The following FAHD2A variants were observed in gnomAD, a reference collection of about 807,000 sequenced individuals.
FAHD2A encodes oxaloacetate tautomerase FAHD2A, mitochondrial.
A neutral mutation model predicts 33.4 loss-of-function variants in FAHD2A; 27 were observed. The ratio of observed to expected loss-of-function variants is 0.81; its 90% CI spans 0.60 to 1.11. The LOEUF is 1.11. Ranked by LOEUF, FAHD2A falls within the 50% of genes most tolerant of loss-of-function variation. The pLI, the probability that FAHD2A is intolerant of heterozygous loss-of-function variation, is 0.00. For synonymous variants in FAHD2A, 130 were observed against 153.3 expected, an observed-to-expected ratio of 0.85 and a Z score of 1.12; for missense variants, 296 against 395.0, an observed-to-expected ratio of 0.75 and a Z score of 2.12.
chr2:95,410,830 A>T (rs1438425079), intron 4 of FAHD2A, 34 bp from the exon 5 acceptor site: 31 of 1,612,180 alleles, frequency 1.9e-5, no homozygotes, highest in East Asian at 2.2e-5. Flanking sequence ...CCATGATCTA[A>T]CCTCCTGTAT....
Position 95,410,473 on chromosome 2 carries a change from T to C in FAHD2A, c.463-54T>C, listed in dbSNP as rs553240630. The C allele has an allele frequency of 2.5e-5, 40 of 1,572,062 alleles. No individual in the cohort carries two copies. The East Asian group carries it at 9.1e-4, about 36-fold the overall frequency. On this transcript the variant is annotated intron_variant, in intron 3 of 7. Coordinates refer to ENST00000233379, the MANE Select transcript of FAHD2A (RefSeq NM_016044.3). ...CAGCATGGTGTGCAGCCTCTCAGCA[T>C]GGACAGTGGGCCCTGAAGCCACTGC...
At position 95,414,339 on chromosome 2, in the gene FAHD2A, G is replaced by T; in HGVS notation, c.*1382G>T. The T allele has an allele frequency of 1.3e-6, 1 of 796,544 alleles. No individual in the cohort carries two copies. The highest frequency in any genetic ancestry group is 2.2e-6 in the Non-Finnish European group (1 of 456,612). 49.3% of individuals were successfully genotyped at this position (796,544 alleles called of 1,614,324 possible). On this transcript the variant is annotated 3_prime_UTR_variant, in exon 8 of 8. Transcript: ENST00000233379. ...AAGAAGACATCAAAAAGAAAATCTA[G>T]TGCTGGGTGGATATAGAGTATGAAG...
chr2:95,418,416 G>A (rs1408078599), downstream of FAHD2A, among the ~76,000 whole-genome samples: 3 of 152,020 alleles, frequency 2.0e-5, no homozygotes, highest in Admixed American at 6.6e-5. Flanking sequence ...GATGCATGAA[G>A]GTTGGGAGGA....
chr2:95,416,037 G>A lies in FAHD2A; in HGVS notation c.*3080G>A, dbSNP rs573979328. On this transcript the variant is annotated 3_prime_UTR_variant, in exon 8 of 8. Coordinates refer to ENST00000233379, the MANE Select transcript of FAHD2A (RefSeq NM_016044.3). Reference sequence around the variant, plus strand: ...CTAGCACAGAGCTGGAGGAAATGGCGAGGTGCAGGTGGCCGCTGGGCCCTG... The same window carrying A: ...CTAGCACAGAGCTGGAGGAAATGGCAAGGTGCAGGTGGCCGCTGGGCCCTG... 4 of 152,316 alleles carry A rather than the reference G, an allele frequency of 2.6e-5. No homozygotes were observed. The highest frequency in any genetic ancestry group is 3.9e-4 in the East Asian group (2 of 5,176). The allele number at this position is 152,316 out of a possible 1,614,324, so 9.4% of individuals were successfully genotyped here. A position where few individuals can be genotyped will look rare whatever the true frequency, so the allele number is the denominator to read the frequency against.
chr2:95,416,354 C>G lies in FAHD2A; in HGVS notation c.*3397C>G, dbSNP rs13015296. 2 of 152,258 alleles carry G rather than the reference C, an allele frequency of 1.3e-5. No homozygotes were observed. Among genetic ancestry groups the G allele is most frequent in the Admixed American group, 6.5e-5 (1 of 15,286 alleles). The allele number at this position is 152,258 out of a possible 1,614,324, so 9.4% of individuals were successfully genotyped here. A position where few individuals can be genotyped will look rare whatever the true frequency, so the allele number is the denominator to read the frequency against. On this transcript the variant is annotated 3_prime_UTR_variant, in exon 8 of 8. Transcript: ENST00000233379. ...CCAAGAGCTGAGAATGTTTCTCCGA[C>G]TGATGAGACCTAGATATTGGGTACA...
rs1682881893 is a variant in FAHD2A, at chr2:95,413,732, TAGA to T, written c.*778_*780del. 2.6e-6 allele frequency: 2 copies of T among 767,666 alleles called. No individual in the cohort carries two copies. The highest frequency in any genetic ancestry group is 4.2e-6 in the Non-Finnish European group (2 of 477,402). 47.6% of individuals were successfully genotyped at this position (767,666 alleles called of 1,614,324 possible). ...CTCAAAGCAGCCCCAATACCCCACC[TAGA>T]AGGATGAGCCAGTGATTTGGGAGAC... On this transcript the variant is annotated 3_prime_UTR_variant, in exon 8 of 8. Transcript: ENST00000233379.
chr2:95,409,534 C>T (rs974547548), intron 3 of FAHD2A, among the ~76,000 whole-genome samples: 1 of 152,188 alleles, frequency 6.6e-6, no homozygotes, highest in African/African-American at 2.4e-5. Context: ...GTCTTGAACT[C>T]CTCACCTGAG....
At chr2:95,411,752 T>C (rs1396138199) in intron 5 of FAHD2A, among the ~76,000 whole-genome samples, 8 of 152,252 alleles carry the variant, frequency 5.3e-5, no homozygotes, top group African/African-American at 1.9e-4. Context: ...GAGGCTTCTC[T>C]GTCCCGGCTA....
chr2:95,419,121 T>C (rs1374497184), downstream of FAHD2A, among the ~76,000 whole-genome samples: 1 of 152,046 alleles, frequency 6.6e-6, no homozygotes, highest in Non-Finnish European at 1.5e-5. Flanking sequence ...AAGGCCCTGC[T>C]ACATCTTGAT....
Position 95,412,385 on chromosome 2 carries a change from G to T in FAHD2A, c.686-49G>T. On this transcript the variant is annotated intron_variant, in intron 5 of 7. Coordinates refer to ENST00000233379, the MANE Select transcript of FAHD2A (RefSeq NM_016044.3). ...AGTTGTGTTTGTAAAATATTGGGGGGTTTGAGGGGGAAAAGGGATAACTCC... is the reference window on the plus strand; with the variant it reads ...AGTTGTGTTTGTAAAATATTGGGGGTTTTGAGGGGGAAAAGGGATAACTCC... The T allele has an allele frequency of 2.5e-6, 4 of 1,610,172 alleles. No homozygotes were observed. The South Asian group carries it at 3.3e-5, about 13-fold the overall frequency.
intron 3 of FAHD2A, 39 bp from the exon 4 acceptor site, chr2:95,410,488 G>A (rs1429657620): frequency 3.8e-6 from 6 of 1,585,614 alleles, no homozygotes; most frequent in Non-Finnish European, 5.1e-6. Context: ...AGTGGGCCCT[G>A]AAGCCACTGC....
Position 95,405,632 on chromosome 2 carries a change from G to C in FAHD2A, c.74G>C (p.Arg25Thr). ...CAGAAGTGGCCCTTTCAACCCTCCA[G>C]AGACATGAGACTAGTGCAGTTCCGG... ...QAQKWPFQPSRDMRLVQFRAP... is the reference protein window; with the variant it reads ...QAQKWPFQPSTDMRLVQFRAP... The change falls in exon 2 of 8, where the codon AGA (arginine) becomes ACA (threonine). Residue 25 changes from arginine (R) to threonine (T), a missense_variant. Physicochemically the swap from Arg to Thr is moderately conservative, Grantham distance 71. Transcript: ENST00000233379. The C allele has an allele frequency of 6.2e-7, 1 of 1,614,166 alleles. No homozygotes were observed.
Position 95,410,606 on chromosome 2 carries a change from C to A in FAHD2A, c.522+20C>A. ...ATCAAGGTGAGGTGGAAAGGGTGGGCTCCCAGTCCAGAGTGCAGCAGAGGC... is the reference window on the plus strand; with the variant it reads ...ATCAAGGTGAGGTGGAAAGGGTGGGATCCCAGTCCAGAGTGCAGCAGAGGC... On this transcript the variant is annotated intron_variant, in intron 4 of 7. Transcript: ENST00000233379. 5.6e-6 allele frequency: 9 copies of A among 1,612,784 alleles called. No individual in the cohort carries two copies. The highest frequency in any genetic ancestry group is 7.6e-6 in the Non-Finnish European group (9 of 1,179,422).
downstream of FAHD2A, among the ~76,000 whole-genome samples, chr2:95,421,005 CTGTGTGTGTGTGTGTGTG>C (rs57970330): frequency 1.3e-4 from 17 of 129,990 alleles, no homozygotes; most frequent in East Asian, 2.3e-4. Flanking sequence ...GAATGAACCT[CTGTGTGTGTGTGTGTGTG>C]TGTGTGTGTG....
rs775348107 is a variant in FAHD2A at position 95,415,383 on chromosome 2, A to G, written c.*2426A>G. On this transcript the variant is annotated 3_prime_UTR_variant, in exon 8 of 8. Transcript: ENST00000233379. ...CAGATTAAACTCTAAGCCAACAACA[A>G]CAGAACAGGGTGGAGTGAGTGGAAA... The G allele has an allele frequency of 1.3e-5, 2 of 152,052 alleles. No individual in the cohort carries two copies. The highest frequency in any genetic ancestry group is 2.9e-5 in the Non-Finnish European group (2 of 67,996). 9.4% of individuals were successfully genotyped at this position (152,052 alleles called of 1,614,324 possible). A position where few individuals can be genotyped will look rare whatever the true frequency, so the allele number is the denominator to read the frequency against.
Position 95,411,018 on chromosome 2 carries a change from G to A in FAHD2A, c.677G>A (p.Ser226Asn). 3 of 1,613,974 alleles carry A rather than the reference G, an allele frequency of 1.9e-6. No homozygotes were observed. Among genetic ancestry groups the A allele is most frequent in the Non-Finnish European group, 2.5e-6 (3 of 1,179,854 alleles). ...GGCCCTGCCTTGGTGACCAAGGACA[G>A]TGTAGCAGGTAGGTCCCTGGTCCCT... ...PLGPALVTKD[S>N]VADPHNLKIC... The change falls in exon 5 of 8, where the codon AGT becomes AAT. Residue 226 changes from serine (S) to asparagine (N), a missense_variant. Coordinates refer to ENST00000233379, the MANE Select transcript of FAHD2A (RefSeq NM_016044.3).
intron 3 of FAHD2A, among the ~76,000 whole-genome samples, chr2:95,409,463 C>T (rs1204380148): frequency 6.6e-6 from 1 of 152,150 alleles, no homozygotes; most frequent in Non-Finnish European, 1.5e-5. Flanking sequence ...CGTGTACCAC[C>T]ACACCTGGCT....
At chr2:95,406,660 G>A (rs12373651) in intron 2 of FAHD2A, among the ~76,000 whole-genome samples, 40,372 of 151,804 alleles carry the variant, frequency 0.27, 6,037 homozygotes, top group Admixed American at 0.34. Context: ...CGGGGTAACC[G>A]GAAGGGGAAA....
In FAHD2A at chr2:95,407,128, G is replaced by C. The variant is rs1165237385; in HGVS notation, c.433G>C (p.Asp145His). The C allele has an allele frequency of 1.2e-6, 2 of 1,611,954 alleles. No homozygotes were observed. The highest frequency in any genetic ancestry group is 8.5e-7 in the Non-Finnish European group (1 of 1,179,868). Residue 145 changes from aspartate to histidine, a missense_variant, in exon 3 of 8, where the codon GAT (aspartate) becomes CAT (histidine). Transcript: ENST00000233379. ...KFASSIVGPYDEVVLPPQSQE... is the reference protein window; with the variant it reads ...KFASSIVGPYHEVVLPPQSQE... ...TGCCAGCTCCATCGTGGGGCCCTAT[G>C]ATGAGGTGGTCCTCCCACCACAGAG...
Sources: gnomAD v4.1 joint callset for allele counts (sites outside exome capture counted in the v4.1 genomes callset) on GRCh38, gnomAD v4.1.1 for gene constraint, MANE v1.5 for transcripts, NCBI Gene and HGNC (gene_info 2026-07-23, HGNC 2026-07-21) for gene names.